The following LGALS9 variants were observed in gnomAD, a reference collection of about 807,000 sequenced individuals.
LGALS9 encodes galectin 9, also known as galectin-9.
A neutral mutation model predicts 35.9 loss-of-function variants in LGALS9; 26 were observed. The observed-to-expected ratio is 0.72, with a 90% confidence interval of 0.53 to 1.01. LGALS9 has a LOEUF of 1.01. LGALS9 is among the 50% of genes least tolerant of loss of function. The probability of loss-of-function intolerance (pLI) is 0.00; values close to 1 mark genes in which losing one functional copy is unlikely to be tolerated. For missense variants in LGALS9, 347 were observed against 445.8 expected, an observed-to-expected ratio of 0.78 and a Z score of 1.99; for synonymous variants, 149 against 172.2, an observed-to-expected ratio of 0.87 and a Z score of 1.06.
At chr17:27,645,587 C>T (rs1457742685) in intron 6 of LGALS9, 7 of 620,704 alleles carry the variant, frequency 1.1e-5, no homozygotes, top group Non-Finnish European at 1.7e-5. Context: ...ACTTCTGTCA[C>T]CTGCAAAGGG....
At chr17:27,639,357 C>A (rs533440337) in intron 2 of LGALS9, among the ~76,000 whole-genome samples, 6 of 152,072 alleles carry the variant, frequency 3.9e-5, no homozygotes, top group South Asian at 2.1e-4. Context: ...CCACCTCCCC[C>A]ACCCCCCAGC....
At position 27,642,264 on chromosome 17, in the gene LGALS9, G is replaced by A. The variant is rs1904566128; in HGVS notation, c.360G>A (p.Val120=). 1.9e-6 allele frequency: 3 copies of A among 1,612,980 alleles called. No individual in the cohort carries two copies. Among genetic ancestry groups the A allele is most frequent in the South Asian group, 1.1e-5 (1 of 91,000 alleles). Reference sequence around the variant, plus strand: ...TGATGGTGAACGGGATCCTCTTCGTGCAGTACTTCCACCGCGTGCCCTTCC... The same window carrying A: ...TGATGGTGAACGGGATCCTCTTCGTACAGTACTTCCACCGCGTGCCCTTCC... ...FKVMVNGILF[V]QYFHRVPFHR... Residue 120 remains valine (V), a synonymous_variant, in exon 4 of 11, where the codon GTG becomes GTA. Transcript: ENST00000395473.
intron 8 of LGALS9, among the ~76,000 whole-genome samples, chr17:27,646,799 C>T (rs943769919): frequency 2.0e-5 from 3 of 152,168 alleles, no homozygotes; most frequent in African/African-American, 7.2e-5. Context: ...CATTGCATGT[C>T]CCTCCCTTTT....
intron 4 of LGALS9, among the ~76,000 whole-genome samples, chr17:27,642,941 G>A (rs1282632923): frequency 2.6e-5 from 4 of 152,196 alleles, no homozygotes; most frequent in Non-Finnish European, 4.4e-5. Context: ...GGTGGTGGAG[G>A]TCTGCAGTCC....
chr17:27,644,663 GAC>G (rs1904796731), intron 5 of LGALS9: 1 of 153,226 alleles, frequency 6.5e-6, no homozygotes, highest in Admixed American at 6.5e-5. Flanking sequence ...TCACCGTACA[GAC>G]AGGGCACCTG....
In LGALS9 at chr17:27,649,226, C is replaced by T. The variant is rs547030554; in HGVS notation, c.*244C>T. The T allele has an allele frequency of 6.5e-6, 4 of 617,730 alleles. No individual in the cohort carries two copies. Among genetic ancestry groups the T allele is most frequent in the South Asian group, 2.0e-5 (1 of 50,572 alleles). The allele number at this position is 617,730 out of a possible 1,614,324, so 38.3% of individuals were successfully genotyped here. On this transcript the variant is annotated 3_prime_UTR_variant, in exon 11 of 11. Coordinates refer to ENST00000395473, the MANE Select transcript of LGALS9 (RefSeq NM_009587.3). Reference sequence around the variant, plus strand: ...GCTCCAGCTGCTGGAATCCTACCATCCCAGGAGGCAGGCACAGCCAGGGAG... The same window carrying T: ...GCTCCAGCTGCTGGAATCCTACCATTCCAGGAGGCAGGCACAGCCAGGGAG...
chr17:27,645,618 T>A, intron 6 of LGALS9: 2 of 602,722 alleles, frequency 3.3e-6, no homozygotes, highest in Non-Finnish European at 5.8e-6. Flanking sequence ...GAGAGACGTT[T>A]CCCCGAGAGG....
intron 10 of LGALS9, among the ~76,000 whole-genome samples, chr17:27,648,126 A>G (rs1905077255): frequency 6.6e-6 from 1 of 152,268 alleles, no homozygotes; most frequent in African/African-American, 2.4e-5. Flanking sequence ...TATTTTAAAA[A>G]TATGCCTTAA....
At chr17:27,643,366 G>C (rs1260569431) in intron 4 of LGALS9, among the ~76,000 whole-genome samples, 159 bp from the exon 5 acceptor site, 1 of 152,174 alleles carries the variant, frequency 6.6e-6, no homozygotes, top group Admixed American at 6.5e-5. Context: ...GCTCACCAGA[G>C]CCTGGCTCTT....
chr17:27,639,743 T>C (rs1469020453), intron 2 of LGALS9, among the ~76,000 whole-genome samples: 1 of 151,724 alleles, frequency 6.6e-6, no homozygotes, highest in Non-Finnish European at 1.5e-5. Flanking sequence ...CTAATTATTA[T>C]TATTATTATT....
intron 4 of LGALS9, among the ~76,000 whole-genome samples, chr17:27,642,784 A>G (rs1416330493): frequency 1.3e-5 from 2 of 152,056 alleles, no homozygotes; most frequent in East Asian, 3.9e-4. Context: ...CCTGCCCCCC[A>G]TGGGTGGTTG....
At chr17:27,641,121 C>G (rs1904461693) in intron 3 of LGALS9, 1 of 455,812 alleles carries the variant, frequency 2.2e-6, no homozygotes, top group South Asian at 1.8e-5. Context: ...TTTTCAGCGA[C>G]ATCGTTCCAG....
chr17:27,643,395 G>T (rs28425473), intron 4 of LGALS9, 130 bp from the exon 5 acceptor site: 347,384 of 1,402,300 alleles, frequency 0.25, 43,665 homozygotes, highest in Admixed American at 0.32. Context: ...CATCTTGGCA[G>T]GGCCCTAACC....
intron 5 of LGALS9, chr17:27,643,932 A>C: frequency 3.0e-6 from 1 of 334,542 alleles, no homozygotes; most frequent in Non-Finnish European, 5.5e-6. Context: ...CCTACACCCA[A>C]CCACTGCCAC....
In LGALS9 at chr17:27,647,109, G is replaced by A. The variant is rs377135808; in HGVS notation, c.749G>A (p.Ser250Asn). The A allele has an allele frequency of 2.5e-6, 4 of 1,614,088 alleles. No individual in the cohort carries two copies. The highest frequency in any genetic ancestry group is 3.4e-6 in the Non-Finnish European group (4 of 1,180,048). The change falls in exon 9 of 11, where the codon AGT becomes AAT. Residue 250 changes from serine to asparagine, a missense_variant. Ser to Asn is a conservative substitution (Grantham distance 46). Coordinates refer to ENST00000395473, the MANE Select transcript of LGALS9 (RefSeq NM_009587.3). ...CTCCTGTCAGGCACTGTCCTGCCCA[G>A]TGCTCAGAGGTAAGCCAAGGGCTCC... ...SILLSGTVLP[S>N]AQRFHINLCS...
At position 27,643,562 on chromosome 17, in the gene LGALS9, C is replaced by G. The variant is rs756309515; in HGVS notation, c.482C>G (p.Thr161Arg). ...RTVPVQPAFS[T>R]VPFSQPVCFP... is the part of the protein sequence containing the mutation. ...GTCCCTGTTCAGCCTGCCTTCTCCA[C>G]GGTGCCGTTCTCCCAGCCTGTCTGT... The change falls in exon 5 of 11, where the codon ACG (threonine) becomes AGG (arginine). Residue 161 changes from threonine (T) to arginine (R), a missense_variant. Coordinates refer to ENST00000395473, the MANE Select transcript of LGALS9 (RefSeq NM_009587.3). The G allele has an allele frequency of 1.2e-6, 2 of 1,611,936 alleles. No individual in the cohort carries two copies. Among genetic ancestry groups the G allele is most frequent in the Non-Finnish European group, 1.7e-6 (2 of 1,179,780 alleles).
intron 4 of LGALS9, 47 bp downstream of exon 4, chr17:27,642,395 C>G (rs781344840): frequency 1.9e-6 from 3 of 1,610,966 alleles, no homozygotes; most frequent in Non-Finnish European, 2.5e-6. Context: ...GGATGCAGGG[C>G]CCAGCGTAGC....
chr17:27,636,382 C>T (rs1333357530), intron 1 of LGALS9, among the ~76,000 whole-genome samples: 2 of 152,244 alleles, frequency 1.3e-5, no homozygotes, highest in Admixed American at 6.5e-5. Flanking sequence ...CCCTCCCTCG[C>T]TTGCTTCCTT....
intron 2 of LGALS9, chr17:27,640,327 T>A: frequency 1.7e-6 from 1 of 595,302 alleles, no homozygotes; most frequent in South Asian, 2.0e-5. Context: ...ATACCAGCAC[T>A]TTTCCTTAAC....
Sources: gnomAD v4.1 joint callset for allele counts (sites outside exome capture counted in the v4.1 genomes callset) on GRCh38, gnomAD v4.1.1 for gene constraint, MANE v1.5 for transcripts, NCBI Gene and HGNC (gene_info 2026-07-23, HGNC 2026-07-21) for gene names.